The following SDHA variants were observed in gnomAD, a reference collection of about 807,000 sequenced individuals.
SDHA encodes the protein succinate dehydrogenase [ubiquinone] flavoprotein subunit, mitochondrial.
SDHA carries 48 observed loss-of-function variants against 78.4 expected under a neutral mutation model. The observed-to-expected ratio is 0.61, with a 90% confidence interval of 0.49 to 0.78. SDHA has a LOEUF of 0.78. SDHA is among the 30% of genes least tolerant of loss of function. The probability of loss-of-function intolerance (pLI) is 0.00; values close to 1 mark genes in which losing one functional copy is unlikely to be tolerated. For synonymous variants in SDHA, 326 were observed against 353.9 expected, an observed-to-expected ratio of 0.92 and a Z score of 0.88; for missense variants, 680 against 892.7, an observed-to-expected ratio of 0.76 and a Z score of 3.04.
chr5:235,259 G>A lies in SDHA; in HGVS notation c.1180G>A (p.Asp394Asn). The part of the protein sequence containing the change: ...SETAMIFAGV[D>N]VTKEPIPVLP... ...GACAGCCATGATCTTCGCTGGCGTG[G>A]ACGTCACGAAGGAGCCGATCCCTGT... The change falls in exon 9 of 15, where the codon GAC (aspartate) becomes AAC (asparagine). Residue 394 changes from aspartate to asparagine, a missense_variant. Coordinates refer to ENST00000264932, the MANE Select transcript of SDHA (RefSeq NM_004168.4). 1 of 1,614,036 alleles carries A rather than the reference G, an allele frequency of 6.2e-7. No individual in the cohort carries two copies. Among genetic ancestry groups the A allele is most frequent in the Non-Finnish European group, 8.5e-7 (1 of 1,179,944 alleles).
At chr5:232,330 C>G (rs1425568519) in intron 7 of SDHA, among the ~76,000 whole-genome samples, 1 of 152,160 alleles carries the variant, frequency 6.6e-6, no homozygotes, top group East Asian at 1.9e-4. Context: ...TCCACCTCAG[C>G]CTCCCAAACA....
chr5:240,204 C>A (rs1736052148), intron 10 of SDHA, among the ~76,000 whole-genome samples, 154 bp from the exon 11 acceptor site: 1 of 152,222 alleles, frequency 6.6e-6, no homozygotes, highest in African/African-American at 2.4e-5. Flanking sequence ...ATGGCCTCAG[C>A]TGTAGGGTGG....
intron 1 of SDHA, among the ~76,000 whole-genome samples, chr5:221,108 C>T (rs1210460106): frequency 2.6e-5 from 4 of 152,090 alleles, no homozygotes; most frequent in Non-Finnish European, 4.4e-5. Flanking sequence ...CCACCACGCC[C>T]GGCCGAACTG....
chr5:236,543 A>G lies in SDHA; in HGVS notation c.1376A>G (p.Asp459Gly), dbSNP rs2126590273. ...ANRLGANSLLDLVVFGRACAL... is the reference protein window; with the variant it reads ...ANRLGANSLLGLVVFGRACAL... ...CGCCTCGGGGCAAACTCGCTCTTGGACCTGGTTGTCTTTGGTCGGGCATGT... is the reference window on the plus strand; with the variant it reads ...CGCCTCGGGGCAAACTCGCTCTTGGGCCTGGTTGTCTTTGGTCGGGCATGT... Residue 459 changes from aspartate (D) to glycine (G), a missense_variant, in exon 10 of 15, where the codon GAC becomes GGC. Asp to Gly is a moderately conservative substitution (Grantham distance 94, BLOSUM62 -1). Transcript: ENST00000264932. The G allele has an allele frequency of 6.2e-7, 1 of 1,613,982 alleles. No individual in the cohort carries two copies. The highest frequency in any genetic ancestry group is 8.5e-7 in the Non-Finnish European group (1 of 1,179,862).
intron 6 of SDHA, 107 bp downstream of exon 6, chr5:228,440 C>T (rs967579729): frequency 3.2e-6 from 4 of 1,233,372 alleles, no homozygotes; most frequent in African/African-American, 3.0e-5. Context: ...ACGGTTTAGA[C>T]ACAGGCCTTG....
intron 13 of SDHA, 47 bp downstream of exon 13, chr5:251,515 C>T (rs1561011073): frequency 3.7e-6 from 6 of 1,613,060 alleles, no homozygotes; most frequent in Non-Finnish European, 5.1e-6. Flanking sequence ...TTCCTGCCAC[C>T]TGGTGGGACT....
chr5:253,694 C>G (rs1427712907), intron 13 of SDHA, among the ~76,000 whole-genome samples: 1 of 152,166 alleles, frequency 6.6e-6, no homozygotes, highest in East Asian at 1.9e-4. Flanking sequence ...CTCGGCCTCC[C>G]AAAGTGCTAG....
At chr5:257,732 G>A (rs1338721051), downstream of SDHA, among the ~76,000 whole-genome samples, 7 of 114,398 alleles carry the variant, frequency 6.1e-5, 1 homozygote, top group Non-Finnish European at 1.1e-4. Context: ...TGTGAGCTCC[G>A]CGCCCTGCCA....
intron 11 of SDHA, among the ~76,000 whole-genome samples, chr5:248,429 C>T (rs936609423): frequency 3.9e-5 from 6 of 152,302 alleles, no homozygotes; most frequent in African/African-American, 1.2e-4. Flanking sequence ...GCTGTGATAG[C>T]AGTGATCACC....
intron 7 of SDHA, among the ~76,000 whole-genome samples, chr5:231,559 C>CA (rs56152705): frequency 0.011 from 1,072 of 99,074 alleles, 16 homozygotes; most frequent in African/African-American, 0.028. Flanking sequence ...GACTCCGTCT[C>CA]AAAAAAAAAA....
intron 6 of SDHA, among the ~76,000 whole-genome samples, chr5:229,529 T>C (rs115877679): frequency 1.4e-3 from 220 of 152,314 alleles, no homozygotes; most frequent in Non-Finnish European, 2.5e-3. Flanking sequence ...ATGTCACTCA[T>C]GTGGAATCTA....
chr5:262,406 C>T, the SDHA span, among the ~76,000 whole-genome samples: 5 of 151,898 alleles, frequency 3.3e-5, no homozygotes, highest in African/African-American at 4.8e-5. Flanking sequence ...GTGTGAGATC[C>T]GCCCCCTGTC....
Position 228,331 on chromosome 5 carries a change from A to G in SDHA, c.768A>G (p.Thr256=). 4.3e-6 allele frequency: 7 copies of G among 1,613,758 alleles called. No homozygotes were observed. The highest frequency in any genetic ancestry group is 5.9e-6 in the Non-Finnish European group (7 of 1,179,614). The change falls in exon 6 of 15, where the codon ACA becomes ACG. Residue 256 remains threonine, a splice_region_variant and synonymous_variant. Coordinates refer to ENST00000264932, the MANE Select transcript of SDHA (RefSeq NM_004168.4). Reference sequence around the variant, plus strand: ...GAGCAAAGAACACTGTTGTTGCCACAGGGTAGGAATCTCATTTCTACTTTA... The same window carrying G: ...GAGCAAAGAACACTGTTGTTGCCACGGGGTAGGAATCTCATTTCTACTTTA... ...RIRAKNTVVA[T]GGYGRTYFSC... is the part of the protein sequence containing the mutation.
chr5:228,004 ACTGCTCGGCGTGGAATGC>A (rs1259087802), intron 5 of SDHA, 163 bp from the exon 6 acceptor site: 1 of 651,904 alleles, frequency 1.5e-6, no homozygotes, highest in Non-Finnish European at 2.7e-6. Flanking sequence ...CCTTGTCTGT[ACTGCTCGGCGTGGAATGC>A]CTCTCGGGCT....
At chr5:240,942 AT>A (rs1736102113) in intron 11 of SDHA, among the ~76,000 whole-genome samples, 1 of 151,930 alleles carries the variant, frequency 6.6e-6, no homozygotes, top group African/African-American at 2.4e-5. Context: ...ACTTAGGTTG[AT>A]TCCATGACTT....
chr5:221,376 G>C (rs150005714), intron 1 of SDHA, among the ~76,000 whole-genome samples: 2,332 of 152,280 alleles, frequency 0.015, 28 homozygotes, highest in Non-Finnish European at 0.02. Context: ...CCCTGCTTCC[G>C]CTTCTTCCTG....
At position 236,606 on chromosome 5, in the gene SDHA, G is replaced by C. The variant is rs760526397; in HGVS notation, c.1432+7G>C. 81 of 1,613,412 alleles carry C rather than the reference G, an allele frequency of 5.0e-5. No homozygotes were observed. Among genetic ancestry groups the C allele is most frequent in the Non-Finnish European group, 6.4e-5 (76 of 1,179,446 alleles). ...GAAGAGTCATGCAGGCCTGGTAAGT[G>C]TTTTCTTCAGGAGCCAGACTATTTG... On this transcript the variant is annotated splice_region_variant and intron_variant, in intron 10 of 14. Coordinates refer to ENST00000264932, the MANE Select transcript of SDHA (RefSeq NM_004168.4).
chr5:239,426 C>T (rs190814087), intron 10 of SDHA, among the ~76,000 whole-genome samples: 1,579 of 151,964 alleles, frequency 0.01, 9 homozygotes, highest in Non-Finnish European at 0.015. Flanking sequence ...GGTATGGTGG[C>T]ATATTCCTGT....
Position 225,990 on chromosome 5 carries a change from G to A in SDHA, c.564G>A (p.Arg188=), listed in dbSNP as rs1579385933. 10 of 1,614,070 alleles carry A rather than the reference G, an allele frequency of 6.2e-6. No homozygotes were observed. Among genetic ancestry groups the A allele is most frequent in the Non-Finnish European group, 8.5e-6 (10 of 1,180,054 alleles). ...TTGGAAAGGGCGGGCAGGCCCATCG[G>A]TGCTGCTGTGTGGCTGATCGGACTG... is the stretch of plus-strand genomic sequence containing the variant. ...LKFGKGGQAH[R]CCCVADRTGH... The change falls in exon 5 of 15, where the codon CGG becomes CGA. Residue 188 remains arginine (R), a synonymous_variant. Transcript: ENST00000264932.
Sources: gnomAD v4.1 joint callset for allele counts (sites outside exome capture counted in the v4.1 genomes callset) on GRCh38, gnomAD v4.1.1 for gene constraint, MANE v1.5 for transcripts, NCBI Gene and HGNC (gene_info 2026-07-23, HGNC 2026-07-21) for gene names.